MYT1L: variants seen among roughly 807,000 people sequenced by gnomAD.
The protein encoded by MYT1L is myelin transcription factor 1-like protein.
Under a neutral mutation model 126.7 loss-of-function variants are expected in MYT1L, and 12 were observed. The ratio of observed to expected loss-of-function variants is 0.09; its 90% CI spans 0.06 to 0.15. The LOEUF is 0.15. Among genes scored for constraint, MYT1L ranks in the 10% least tolerant of loss-of-function variants. The pLI, the probability that MYT1L is intolerant of heterozygous loss-of-function variation, is 1.00. For synonymous variants in MYT1L, 541 were observed against 604.2 expected, an observed-to-expected ratio of 0.90 and a Z score of 1.53; for missense variants, 979 against 1,585.2, an observed-to-expected ratio of 0.62 and a Z score of 6.49.
intron 3 of MYT1L, among the ~76,000 whole-genome samples, chr2:2,127,313 A>C (rs1002022110): frequency 2.0e-5 from 3 of 152,216 alleles, no homozygotes; most frequent in Admixed American, 1.3e-4. Context: ...ACACACACTG[A>C]AGCAGCTCTC....
At chr2:2,109,317 T>G (rs2079101657) in intron 3 of MYT1L, among the ~76,000 whole-genome samples, 1 of 152,200 alleles carries the variant, frequency 6.6e-6, no homozygotes, top group Non-Finnish European at 1.5e-5. Context: ...TCCCACTCCC[T>G]GACAGCGGAT....
chr2:2,261,931 A>G (rs1278347502), intron 2 of MYT1L, among the ~76,000 whole-genome samples: 3 of 152,238 alleles, frequency 2.0e-5, no homozygotes, highest in Non-Finnish European at 4.4e-5. Context: ...TTGGAATGAG[A>G]TAAAACTTTA....
At chr2:2,032,464 A>G (rs1359629461) in intron 4 of MYT1L, among the ~76,000 whole-genome samples, 5 of 121,960 alleles carry the variant, frequency 4.1e-5, no homozygotes. Context: ...AGATTCTAGA[A>G]GGAGGGCCTT....
At chr2:2,105,245 CCT>C (rs2078609107) in intron 3 of MYT1L, among the ~76,000 whole-genome samples, 1 of 152,114 alleles carries the variant, frequency 6.6e-6, no homozygotes, top group African/African-American at 2.4e-5. Context: ...GTGGACACCC[CCT>C]CTCTGTGCTC....
chr2:2,180,756 A>C (rs1184500664), intron 2 of MYT1L, among the ~76,000 whole-genome samples: 5 of 137,216 alleles, frequency 3.6e-5, no homozygotes, highest in Non-Finnish European at 7.7e-5. Context: ...GTGCTTGTGC[A>C]TGTACCTGTA....
chr2:2,295,195 C>G (rs1187370187), intron 1 of MYT1L, among the ~76,000 whole-genome samples: 1 of 152,120 alleles, frequency 6.6e-6, no homozygotes, highest in Non-Finnish European at 1.5e-5. Flanking sequence ...GAGCCAGGAT[C>G]AGAGCTCTGT....
rs142499159 is a variant in MYT1L at position 1,922,815 on chromosome 2, G to T, written c.954C>A (p.Ser318Arg). The change falls in exon 10 of 25, where the codon AGC becomes AGA. Residue 318 changes from serine to arginine, a missense_variant. This residue lies in a region of MYT1L where 243 missense variants were observed against 363.9 expected (regional missense o/e 0.67). Coordinates refer to ENST00000647738, the MANE Select transcript of MYT1L (RefSeq NM_001303052.2). The surrounding 1 kb of genome is among the most constrained non-coding windows in gnomAD (Gnocchi z 7.4). ...NGLMEKMVEE[S>R]DEEVCLSSLE... ...GACTGCTCAGACACACCTCCTCATC[G>T]CTCTCCTCCACCATCTTTTCCATGA... The T allele has an allele frequency of 6.2e-7, 1 of 1,613,752 alleles. No individual in the cohort carries two copies. Among genetic ancestry groups the T allele is most frequent in the Non-Finnish European group, 8.5e-7 (1 of 1,179,888 alleles).
intron 2 of MYT1L, among the ~76,000 whole-genome samples, chr2:2,252,350 C>T (rs2094676709): frequency 6.6e-6 from 1 of 152,136 alleles, no homozygotes; most frequent in African/African-American, 2.4e-5. Context: ...TTTCTGAACC[C>T]AGGAAACCTC....
chr2:1,972,002 C>T (rs1333007310), intron 8 of MYT1L, among the ~76,000 whole-genome samples: 1 of 152,096 alleles, frequency 6.6e-6, no homozygotes, highest in Non-Finnish European at 1.5e-5. Context: ...TTTATAATAT[C>T]AGTGATGAAT....
chr2:1,982,953 T>C (rs767619979), intron 5 of MYT1L, among the ~76,000 whole-genome samples: 1 of 152,244 alleles, frequency 6.6e-6, no homozygotes, highest in Non-Finnish European at 1.5e-5. Flanking sequence ...ACTGCTCATA[T>C]GGTTGGATAA....
At chr2:2,264,516 A>G (rs1302906022) in intron 2 of MYT1L, among the ~76,000 whole-genome samples, 1 of 152,200 alleles carries the variant, frequency 6.6e-6, no homozygotes, top group Non-Finnish European at 1.5e-5. Flanking sequence ...ACACAACCTA[A>G]TAATCTTAAT....
At chr2:1,981,567 AAGAC>A (rs921326612) in intron 5 of MYT1L, among the ~76,000 whole-genome samples, 38 of 152,306 alleles carry the variant, frequency 2.5e-4, no homozygotes, top group African/African-American at 8.7e-4. Flanking sequence ...GAATATTGGA[AAGAC>A]GACATCAGAC....
At chr2:2,070,336 G>A (rs958944889) in intron 3 of MYT1L, among the ~76,000 whole-genome samples, 16 of 152,076 alleles carry the variant, frequency 1.1e-4, no homozygotes, top group South Asian at 2.1e-4. Flanking sequence ...TCTAACCTGC[G>A]TTGCGACACC....
At position 2,167,715 on chromosome 2, in the gene MYT1L, C is replaced by A. The variant is rs570547013; in HGVS notation, c.-304+5157G>T. On this transcript the variant is annotated intron_variant, in intron 3 of 24. Transcript: ENST00000647738. ...GCCAGCCTGGGAGGTAACTCTCCAG[C>A]CCTCCACGCCTTCTCCAGGAACACT... Among the ~76,000 whole-genome samples, 7 of 152,358 alleles carry A rather than the reference C, an allele frequency of 4.6e-5. No homozygotes were observed. The East Asian group carries it at 1.2e-3, about 25-fold the overall frequency.
intron 21 of MYT1L, among the ~76,000 whole-genome samples, chr2:1,833,666 G>A (rs568588599): frequency 4.7e-4 from 71 of 152,224 alleles, no homozygotes; most frequent in Non-Finnish European, 8.4e-4. Context: ...CTTCCCCAAA[G>A]GTCATGGCAC....
At chr2:1,815,714 C>T (rs565954473) in intron 21 of MYT1L, among the ~76,000 whole-genome samples, 65 of 152,368 alleles carry the variant, frequency 4.3e-4, no homozygotes, top group Non-Finnish European at 5.6e-4. Flanking sequence ...CCAGAACTCC[C>T]GGCCTCTCCG....
chr2:2,258,088 G>A (rs1402618952), intron 2 of MYT1L, among the ~76,000 whole-genome samples: 10 of 60,260 alleles, frequency 1.7e-4, no homozygotes, highest in East Asian at 1.2e-3. Flanking sequence ...AAATAATGCC[G>A]CATATCTACA....
intron 14 of MYT1L, among the ~76,000 whole-genome samples, chr2:1,896,210 G>A (rs1157968094): frequency 6.6e-6 from 1 of 152,194 alleles, no homozygotes; most frequent in Non-Finnish European, 1.5e-5. Context: ...AGGCTGTGGA[G>A]AAAAGAGAAC....
intron 4 of MYT1L, among the ~76,000 whole-genome samples, chr2:1,999,064 T>A (rs1270148146): frequency 2.0e-5 from 3 of 152,226 alleles, no homozygotes; most frequent in Non-Finnish European, 4.4e-5. Flanking sequence ...ACTTACTACT[T>A]CATGATTTGA....
Sources: allele counts gnomAD v4.1 joint callset (sites outside exome capture counted in the v4.1 genomes callset), GRCh38; gene constraint gnomAD v4.1.1; regional missense constraint gnomAD v4.1.1; non-coding constraint Gnocchi (gnomAD v3.1); transcripts MANE v1.5; gene names NCBI Gene and HGNC (gene_info 2026-07-23, HGNC 2026-07-21).